The following MGAT4C variants were observed in gnomAD, a reference collection of about 807,000 sequenced individuals.
The protein encoded by MGAT4C is MGAT4 family member C, also known as alpha-1,3-mannosyl-glycoprotein 4-beta-N-acetylglucosaminyltransferase C.
Under a neutral mutation model 40.1 loss-of-function variants are expected in MGAT4C, and 19 were observed. The ratio of observed to expected loss-of-function variants is 0.47; its 90% confidence interval spans 0.33 to 0.70. The LOEUF (loss-of-function observed/expected upper bound fraction) is 0.70, where lower values mean the gene tolerates loss of function less well. Among genes scored for constraint, MGAT4C ranks in the 30% least tolerant of loss-of-function variants. The pLI is 0.02. For missense variants in MGAT4C, 491 were observed against 563.2 expected, an observed-to-expected ratio of 0.87 and a Z score of 1.30; for synonymous variants, 181 against 187.1, an observed-to-expected ratio of 0.97 and a Z score of 0.27.
intron 3 of MGAT4C, among the ~76,000 whole-genome samples, chr12:86,421,300 C>T (rs1956821441): frequency 6.6e-6 from 1 of 152,118 alleles, no homozygotes; most frequent in Non-Finnish European, 1.5e-5. Context: ...GGTAAAGTGA[C>T]ATTTAGATTT....
At chr12:86,490,553 G>A (rs1592910706) in intron 2 of MGAT4C, among the ~76,000 whole-genome samples, 1 of 151,404 alleles carries the variant, frequency 6.6e-6, no homozygotes, top group African/African-American at 2.4e-5. Flanking sequence ...ATAATGACAG[G>A]ATCAAATTCA....
chr12:86,503,831 C>T (rs1958420506), intron 2 of MGAT4C, among the ~76,000 whole-genome samples: 1 of 101,250 alleles, frequency 9.9e-6, no homozygotes, highest in African/African-American at 3.5e-5. Flanking sequence ...GCTCAATTTT[C>T]TGCTAAATTT....
intron 1 of MGAT4C, among the ~76,000 whole-genome samples, chr12:86,814,067 C>T (rs538997541): frequency 1.4e-4 from 21 of 151,778 alleles, no homozygotes; most frequent in Non-Finnish European, 2.2e-4. Context: ...CACACTGCCA[C>T]GCCTGGCAAA....
At chr12:86,202,395 C>T (rs1315268013) in intron 1 of MGAT4C, among the ~76,000 whole-genome samples, 2 of 151,966 alleles carry the variant, frequency 1.3e-5, no homozygotes, top group African/African-American at 4.8e-5. Context: ...GGATTAATTG[C>T]TCTTCAAAAG....
At chr12:86,789,911 C>G (rs1478859914) in intron 1 of MGAT4C, among the ~76,000 whole-genome samples, 1 of 151,962 alleles carries the variant, frequency 6.6e-6, no homozygotes, top group Non-Finnish European at 1.5e-5. Flanking sequence ...TTCACTTGAC[C>G]TTTTTCAACC....
At chr12:86,506,172 C>A (rs1958469696) in intron 2 of MGAT4C, among the ~76,000 whole-genome samples, 1 of 152,104 alleles carries the variant, frequency 6.6e-6, no homozygotes, top group Non-Finnish European at 1.5e-5. Flanking sequence ...GTCACAGTTG[C>A]TACGATGTGA....
chr12:86,739,495 G>C (rs1048278103), intron 1 of MGAT4C, among the ~76,000 whole-genome samples: 1 of 150,622 alleles, frequency 6.6e-6, no homozygotes, highest in African/African-American at 2.4e-5. Flanking sequence ...TTCTACAATC[G>C]TAGGTTCAGC....
chr12:86,427,415 T>C (rs1956950103), intron 3 of MGAT4C, among the ~76,000 whole-genome samples: 1 of 151,978 alleles, frequency 6.6e-6, no homozygotes, highest in African/African-American at 2.4e-5. Flanking sequence ...TTTTATCTTT[T>C]CAAAAGGAAA....
intron 2 of MGAT4C, among the ~76,000 whole-genome samples, chr12:86,548,264 G>A (rs1242357470): frequency 6.6e-6 from 1 of 151,960 alleles, no homozygotes; most frequent in Non-Finnish European, 1.5e-5. Flanking sequence ...GATCCACACT[G>A]GGAGGGCATT....
chr12:85,971,056 T>C lies in MGAT4C; in HGVS notation c.*8233A>G, dbSNP rs1360249645. 1.3e-5 allele frequency: 2 copies of C among 151,210 alleles called. No homozygotes were observed. The highest frequency in any genetic ancestry group is 3.0e-5 in the Non-Finnish European group (2 of 67,358). The allele number at this position is 151,210 out of a possible 1,614,324, so 9.4% of individuals were successfully genotyped here. ...GTAAATTTCATTGCAACAATGGTTA[T>C]TCAATTTACTGATGAAAATCAGAAG... is the stretch of plus-strand genomic sequence containing the variant. On this transcript the variant is annotated 3_prime_UTR_variant, in exon 5 of 5. Coordinates refer to ENST00000611864, the MANE Select transcript of MGAT4C (RefSeq NM_001351288.2).
chr12:86,686,327 A>C (rs889578049), intron 2 of MGAT4C, among the ~76,000 whole-genome samples: 11 of 151,986 alleles, frequency 7.2e-5, no homozygotes, highest in Non-Finnish European at 1.6e-4. Flanking sequence ...AATATCCTTT[A>C]TTTCTTTCTC....
intron 2 of MGAT4C, among the ~76,000 whole-genome samples, chr12:86,597,621 T>C (rs1486426045): frequency 1.3e-5 from 2 of 152,014 alleles, no homozygotes; most frequent in Non-Finnish European, 2.9e-5. Flanking sequence ...AGGTCCTGCA[T>C]ACTGATGAAA....
chr12:86,826,495 A>C (rs1433349194), intron 1 of MGAT4C, among the ~76,000 whole-genome samples: 1 of 151,536 alleles, frequency 6.6e-6, no homozygotes, highest in South Asian at 2.1e-4. Flanking sequence ...GTATTAATTG[A>C]TATGTCCATG....
In MGAT4C at chr12:86,656,145, A is replaced by T. The variant is rs1484924266; in HGVS notation, c.-229+71064T>A. 3.9e-5 allele frequency among the ~76,000 whole-genome samples: 6 copies of T among 152,086 alleles called. 1 individual carries two copies. The highest frequency in any genetic ancestry group is 1.4e-4 in the African/African-American group (6 of 41,446). ...TTTTTAAAATTTAAGCTGCCTAAAA[A>T]TATGTTAGAAAAATTTAGTACCATA... On this transcript the variant is annotated intron_variant, in intron 2 of 7. Transcript: ENST00000548651.
intron 3 of MGAT4C, among the ~76,000 whole-genome samples, chr12:85,986,762 A>C (rs1885244827): frequency 6.6e-6 from 1 of 152,222 alleles, no homozygotes; most frequent in South Asian, 2.1e-4. Flanking sequence ...AAATGAGTTC[A>C]GATAATTTTA....
chr12:86,643,959 A>C (rs1197033664), intron 2 of MGAT4C, among the ~76,000 whole-genome samples: 1 of 151,800 alleles, frequency 6.6e-6, no homozygotes, highest in Non-Finnish European at 1.5e-5. Flanking sequence ...GAATAATAAA[A>C]TTTAATACAT....
chr12:86,329,205 G>C (rs1156306418), intron 4 of MGAT4C, among the ~76,000 whole-genome samples: 1 of 151,760 alleles, frequency 6.6e-6, no homozygotes, highest in Admixed American at 6.6e-5. Context: ...ACTTGTTAGA[G>C]TTACATAACC....
chr12:86,513,562 G>A (rs1250086000), intron 2 of MGAT4C, among the ~76,000 whole-genome samples: 2 of 152,124 alleles, frequency 1.3e-5, no homozygotes, highest in African/African-American at 4.8e-5. Context: ...ATGAACTGAG[G>A]AAAGCAAATG....
chr12:86,468,338 C>A (rs560611162), intron 2 of MGAT4C, among the ~76,000 whole-genome samples: 1 of 152,010 alleles, frequency 6.6e-6, no homozygotes, highest in South Asian at 2.1e-4. Context: ...ACCATAAAAT[C>A]TTTTTGATCC....
Sources: allele counts gnomAD v4.1 joint callset (sites outside exome capture counted in the v4.1 genomes callset), GRCh38; gene constraint gnomAD v4.1.1; transcripts MANE v1.5; gene names NCBI Gene and HGNC (gene_info 2026-07-23, HGNC 2026-07-21).